NDUFA8: variants seen among roughly 807,000 people sequenced by gnomAD.
The protein encoded by NDUFA8 is NADH:ubiquinone oxidoreductase subunit A8, also known as NADH dehydrogenase [ubiquinone] 1 alpha subcomplex subunit 8.
NDUFA8 carries 16 observed loss-of-function variants against 20.9 expected under a neutral mutation model. The observed-to-expected ratio is 0.77, with a 90% CI of 0.52 to 1.16. The LOEUF is 1.16. Ranked by LOEUF, NDUFA8 falls within the 50% of genes most tolerant of loss-of-function variation. The probability of loss-of-function intolerance (pLI) is 0.00; values close to 1 mark genes in which losing one functional copy is unlikely to be tolerated. For synonymous variants in NDUFA8, 70 were observed against 76.1 expected, an observed-to-expected ratio of 0.92 and a Z score of 0.41; for missense variants, 202 against 216.4, an observed-to-expected ratio of 0.93 and a Z score of 0.42.
intron 1 of NDUFA8, among the ~76,000 whole-genome samples, chr9:122,155,919 G>A (rs1345297861): frequency 6.6e-6 from 1 of 152,150 alleles, no homozygotes; most frequent in Non-Finnish European, 1.5e-5. Flanking sequence ...CACCATCCCT[G>A]TCACAGGAAA....
intron 2 of NDUFA8, 51 bp downstream of exon 2, chr9:122,152,193 AT>A: frequency 6.2e-7 from 1 of 1,604,826 alleles, no homozygotes; most frequent in Non-Finnish European, 8.5e-7. Flanking sequence ...TCACTTATTC[AT>A]TTAAACCTTT....
chr9:122,156,001 C>T (rs1386258873), intron 1 of NDUFA8, among the ~76,000 whole-genome samples: 2 of 152,216 alleles, frequency 1.3e-5, no homozygotes, highest in Non-Finnish European at 2.9e-5. Context: ...CACAGTGAGT[C>T]AGTGGCAACC....
intron 1 of NDUFA8, among the ~76,000 whole-genome samples, chr9:122,154,117 AG>A (rs1477281690): frequency 1.3e-5 from 2 of 152,242 alleles, no homozygotes; most frequent in Admixed American, 6.5e-5. Context: ...AAGCTCCCAG[AG>A]GGAAGGGATT....
chr9:122,135,923 T>C, the NDUFA8 span, among the ~76,000 whole-genome samples: 1 of 152,098 alleles, frequency 6.6e-6, no homozygotes, highest in Non-Finnish European at 1.5e-5. Context: ...CTGCCAGAGA[T>C]AAAATACACA....
chr9:122,141,289 G>C (rs1389976340), downstream of NDUFA8, among the ~76,000 whole-genome samples: 1 of 152,328 alleles, frequency 6.6e-6, no homozygotes, highest in East Asian at 1.9e-4. Context: ...GAAGGCTTCT[G>C]AGTAGCAGAG....
chr9:122,133,237 A>G, the NDUFA8 span, among the ~76,000 whole-genome samples: 1 of 152,032 alleles, frequency 6.6e-6, no homozygotes, highest in Non-Finnish European at 1.5e-5. Context: ...GCTTTACCTA[A>G]TTGCCTGGTG....
chr9:122,149,905 A>G (rs1828965797), intron 2 of NDUFA8, among the ~76,000 whole-genome samples: 1 of 152,096 alleles, frequency 6.6e-6, no homozygotes, highest in African/African-American at 2.4e-5. Flanking sequence ...TGCAGCGAAC[A>G]AAGATCACGC....
At chr9:122,156,452 A>G (rs1388098627) in intron 1 of NDUFA8, among the ~76,000 whole-genome samples, 1 of 152,244 alleles carries the variant, frequency 6.6e-6, no homozygotes, top group African/African-American at 2.4e-5. Flanking sequence ...AGTACTTAAT[A>G]GAACTGTTAT....
the NDUFA8 span, chr9:122,133,081 G>T: frequency 6.6e-6 from 3 of 453,042 alleles, no homozygotes; most frequent in Non-Finnish European, 1.3e-5. Flanking sequence ...CTTACTTCCT[G>T]CATTTCATGG....
intron 1 of NDUFA8, 71 bp from the exon 2 acceptor site, chr9:122,152,479 T>C (rs542568867): frequency 2.2e-5 from 33 of 1,476,758 alleles, no homozygotes; most frequent in Non-Finnish European, 2.9e-5. Context: ...CTTTACCTCA[T>C]GCGGGTCAGA....
downstream of NDUFA8, chr9:122,144,037 A>C: frequency 7.0e-7 from 1 of 1,419,114 alleles, no homozygotes; most frequent in South Asian, 1.5e-5. Context: ...AGGTCACATA[A>C]AACATAATAA....
chr9:122,137,490 C>T, the NDUFA8 span, among the ~76,000 whole-genome samples: 1 of 152,146 alleles, frequency 6.6e-6, no homozygotes, highest in Admixed American at 6.5e-5. Context: ...ATCCACCTGC[C>T]CTGGCCTCCC....
intron 1 of NDUFA8, among the ~76,000 whole-genome samples, chr9:122,153,831 G>C (rs1487295086): frequency 1.3e-5 from 2 of 152,248 alleles, no homozygotes; most frequent in South Asian, 2.1e-4. Flanking sequence ...TGTTAAATTA[G>C]GGAACAATGG....
At chr9:122,143,737 A>G (rs1828853859), downstream of NDUFA8, among the ~76,000 whole-genome samples, 1 of 152,250 alleles carries the variant, frequency 6.6e-6, no homozygotes, top group South Asian at 2.1e-4. Context: ...TCATGCCTCA[A>G]AGAAGTTTCT....
intron 1 of NDUFA8, among the ~76,000 whole-genome samples, chr9:122,153,161 G>A: frequency 6.6e-6 from 1 of 151,916 alleles, no homozygotes; most frequent in Admixed American, 6.6e-5. Flanking sequence ...CAGCTACTAG[G>A]GAGGTTGAGG....
At chr9:122,137,782 C>T in the NDUFA8 span, among the ~76,000 whole-genome samples, 2 of 152,170 alleles carry the variant, frequency 1.3e-5, no homozygotes, top group African/African-American at 2.4e-5. Context: ...TATTTCTTGA[C>T]TTGGAAAAGA....
intron 2 of NDUFA8, among the ~76,000 whole-genome samples, chr9:122,151,837 G>A (rs1033422750): frequency 3.3e-5 from 5 of 152,056 alleles, no homozygotes; most frequent in African/African-American, 7.2e-5. Context: ...ACCTAACTCC[G>A]CATACAGTTT....
intron 1 of NDUFA8, among the ~76,000 whole-genome samples, chr9:122,158,854 A>C (rs914096008): frequency 6.6e-6 from 1 of 151,594 alleles, no homozygotes; most frequent in Non-Finnish European, 1.5e-5. Context: ...GGGAGGATTC[A>C]ATGAATTAAT....
the NDUFA8 span, among the ~76,000 whole-genome samples, chr9:122,138,873 G>GGGC: frequency 7.1e-6 from 1 of 140,392 alleles, no homozygotes; most frequent in South Asian, 2.7e-4. Context: ...GGTGGGGGGG[G>GGGC]GGCCATCTGA....
Sources: gnomAD v4.1 joint callset for allele counts (sites outside exome capture counted in the v4.1 genomes callset) on GRCh38, gnomAD v4.1.1 for gene constraint, MANE v1.5 for transcripts, NCBI Gene and HGNC (gene_info 2026-07-23, HGNC 2026-07-21) for gene names.